FAM53A: variants seen among roughly 807,000 people sequenced by gnomAD.
The protein encoded by FAM53A is protein FAM53A.
In FAM53A, 28 loss-of-function variants were observed where a neutral mutation model predicts 26.6. That is an observed-to-expected ratio of 1.05 (90% confidence interval 0.78 to 1.45). FAM53A has a LOEUF of 1.45. Ranked by LOEUF, FAM53A falls within the 40% of genes most tolerant of loss-of-function variation. The pLI is 0.00. For synonymous variants in FAM53A, 290 were observed against 253.1 expected (o/e 1.15, Z -1.38); for missense variants, 650 against 575.8 (o/e 1.13, Z -1.32).
At chr4:1,681,506 G>A (rs559100952) in intron 1 of FAM53A, among the ~76,000 whole-genome samples, 4 of 150,470 alleles carry the variant, frequency 2.7e-5, no homozygotes, top group Non-Finnish European at 5.9e-5. Flanking sequence ...ACCCAACAAA[G>A]GAGAAGAAAC....
chr4:1,583,623 C>T, the FAM53A span, among the ~76,000 whole-genome samples: 1 of 152,254 alleles, frequency 6.6e-6, no homozygotes, highest in African/African-American at 2.4e-5. Context: ...CCCAGCAGCT[C>T]AGGTGGAGCC....
At chr4:1,578,090 C>A in the FAM53A span, among the ~76,000 whole-genome samples, 9 of 152,146 alleles carry the variant, frequency 5.9e-5, no homozygotes, top group Admixed American at 2.0e-4. Flanking sequence ...CCTGCCACGA[C>A]CTTCAGGCGC....
downstream of FAM53A, chr4:1,617,870 G>C (rs1249510952): frequency 5.4e-6 from 2 of 370,082 alleles, no homozygotes; most frequent in African/African-American, 4.2e-5. Flanking sequence ...CCCCTTGAAG[G>C]GAGCGCCTGC....
chr4:1,641,699 G>A (rs1454357730), intron 4 of FAM53A, 92 bp from the exon 5 acceptor site: 2 of 1,325,098 alleles, frequency 1.5e-6, no homozygotes, highest in African/African-American at 2.9e-5. Flanking sequence ...GGTGTGCTGG[G>A]GCTCTGGCCA....
At chr4:1,580,523 C>T in the FAM53A span, among the ~76,000 whole-genome samples, 1 of 150,916 alleles carries the variant, frequency 6.6e-6, no homozygotes, top group African/African-American at 2.4e-5. Flanking sequence ...CCGCCTCCCG[C>T]CCGGACCCCG....
chr4:1,637,795 C>T (rs983227735), downstream of FAM53A, among the ~76,000 whole-genome samples: 4 of 152,112 alleles, frequency 2.6e-5, no homozygotes, highest in African/African-American at 7.2e-5. Flanking sequence ...GGCACAACCC[C>T]GGCCCTCCCA....
At position 1,626,666 on chromosome 4, in the gene FAM53A, C is replaced by T. The variant is rs548852707; in HGVS notation, c.432-8555G>A. On this transcript the variant is annotated intron_variant, in intron 1 of 1. Transcript: ENST00000489029. ...CTCAGCCACGGCCATGCCCTGAGCC[C>T]GGGGGGACCCGGGGAGGACCCGGGA... is the stretch of plus-strand genomic sequence containing the variant. Among the ~76,000 whole-genome samples the T allele has an allele frequency of 4.6e-5, 7 of 151,954 alleles. No individual in the cohort carries two copies. The South Asian group carries it at 1.2e-3, about 27-fold the overall frequency.
chr4:1,677,922 G>A (rs1715153033), intron 1 of FAM53A, among the ~76,000 whole-genome samples: 1 of 152,152 alleles, frequency 6.6e-6, no homozygotes. Flanking sequence ...CCCAGCCTGG[G>A]TGACAGAGTG....
At chr4:1,671,179 T>C (rs1168807252) in intron 1 of FAM53A, among the ~76,000 whole-genome samples, 2 of 134,974 alleles carry the variant, frequency 1.5e-5, no homozygotes, top group Non-Finnish European at 3.1e-5. Flanking sequence ...AGCCACCAGC[T>C]CACAGCCACA....
intron 4 of FAM53A, among the ~76,000 whole-genome samples, chr4:1,652,616 CACACACACACCAG>C (rs1712956252): frequency 6.7e-6 from 1 of 148,994 alleles, no homozygotes; most frequent in African/African-American, 2.5e-5. Flanking sequence ...ACTCACCACA[CACACACACACCAG>C]ACACACCCAC....
chr4:1,670,619 C>T (rs1204669492), intron 1 of FAM53A, among the ~76,000 whole-genome samples: 3 of 152,196 alleles, frequency 2.0e-5, no homozygotes, highest in South Asian at 2.1e-4. Context: ...CCACCACCCT[C>T]GGCAGCCACC....
At chr4:1,594,709 G>T in the FAM53A span, among the ~76,000 whole-genome samples, 2 of 152,152 alleles carry the variant, frequency 1.3e-5, no homozygotes, top group Non-Finnish European at 2.9e-5. Context: ...GGGTGTGGTG[G>T]CTCCACACAT....
chr4:1,580,302 A>C, the FAM53A span: 2 of 151,712 alleles, frequency 1.3e-5, no homozygotes, highest in Non-Finnish European at 2.9e-5. Flanking sequence ...GACCCCGCCC[A>C]CGGCGCCCTA....
downstream of FAM53A, among the ~76,000 whole-genome samples, chr4:1,615,001 CA>C (rs796502288): frequency 7.5e-3 from 1,138 of 152,286 alleles, 18 homozygotes; most frequent in African/African-American, 0.025. Flanking sequence ...ACGCAAACCA[CA>C]AAAAAGGACA....
At chr4:1,632,446 G>A (rs1156730086) in intron 1 of FAM53A, among the ~76,000 whole-genome samples, 1 of 152,152 alleles carries the variant, frequency 6.6e-6, no homozygotes, top group Non-Finnish European at 1.5e-5. Context: ...AGACAGCTCT[G>A]CTGTTTAAGC....
At chr4:1,653,449 C>T (rs1349967044) in intron 4 of FAM53A, among the ~76,000 whole-genome samples, 2 of 152,150 alleles carry the variant, frequency 1.3e-5, no homozygotes, top group Admixed American at 6.5e-5. Context: ...CGCCCCACAA[C>T]GTGCTGAGCC....
the FAM53A span, among the ~76,000 whole-genome samples, chr4:1,578,141 C>A: frequency 3.0e-4 from 46 of 152,196 alleles, 1 homozygote; most frequent in East Asian, 4.4e-3. Context: ...ACCCCCAGGC[C>A]CCCCCCAAGC....
At chr4:1,617,817 G>A (rs190104470), downstream of FAM53A, 17 of 345,386 alleles carry the variant, frequency 4.9e-5, no homozygotes, top group East Asian at 7.1e-4. Flanking sequence ...CTCTTTCAGC[G>A]GTGAGGACAG....
chr4:1,679,599 T>C (rs1257425105), intron 1 of FAM53A, among the ~76,000 whole-genome samples: 1 of 132,640 alleles, frequency 7.5e-6, no homozygotes, highest in Non-Finnish European at 1.6e-5. Flanking sequence ...GGCAGGAGAA[T>C]CCCTTGAACC....
Sources: gnomAD v4.1 joint callset for allele counts (sites outside exome capture counted in the v4.1 genomes callset) on GRCh38, gnomAD v4.1.1 for gene constraint, MANE v1.5 for transcripts, NCBI Gene and HGNC (gene_info 2026-07-23, HGNC 2026-07-21) for gene names.